CHMP6: variants seen among roughly 807,000 people sequenced by gnomAD.
The protein encoded by CHMP6 is charged multivesicular body protein 6, also known as chromatin-modifying protein 6.
Under a neutral mutation model 32.8 loss-of-function variants are expected in CHMP6, and 10 were observed. The observed-to-expected ratio is 0.30, with a 90% CI of 0.19 to 0.52. The LOEUF (loss-of-function observed/expected upper bound fraction) is 0.52, where lower values mean the gene tolerates loss of function less well. Ranked by LOEUF, CHMP6 falls within the 20% of genes least tolerant of loss-of-function variation. CHMP6 has a pLI of 0.97. For synonymous variants in CHMP6, 123 were observed against 105.8 expected, an observed-to-expected ratio of 1.16 and a Z score of -1.00; for missense variants, 269 against 263.8, an observed-to-expected ratio of 1.02 and a Z score of -0.14.
rs751909886 is a variant in CHMP6, at chr17:80,999,384, C to T, written c.*231C>T. ...CCTGCTCTCAGTCCGGATTAACTCT[C>T]GACCGAGCCCAGCTTCTGCCGGTTG... is the stretch of plus-strand genomic sequence containing the variant. On this transcript the variant is annotated 3_prime_UTR_variant, in exon 8 of 8. Coordinates refer to ENST00000325167, the MANE Select transcript of CHMP6 (RefSeq NM_024591.5). 5.9e-6 allele frequency: 3 copies of T among 512,340 alleles called. No homozygotes were observed. The highest frequency in any genetic ancestry group is 2.2e-5 in the South Asian group (1 of 44,854). 31.7% of individuals were successfully genotyped at this position (512,340 alleles called of 1,614,324 possible).
At chr17:80,994,483 T>C in intron 1 of CHMP6, 98 bp from the exon 2 acceptor site, 1 of 1,073,160 alleles carries the variant, frequency 9.3e-7, no homozygotes, top group Non-Finnish European at 1.3e-6. Context: ...TGAAGGACAC[T>C]CACGGAGGGC....
At position 80,991,900 on chromosome 17, in the gene CHMP6, G is replaced by C. The variant is rs2069594866; in HGVS notation, c.-19G>C. 1 of 1,452,362 alleles carries C rather than the reference G, an allele frequency of 6.9e-7. No individual in the cohort carries two copies. Among genetic ancestry groups the C allele is most frequent in the African/African-American group, 1.5e-5 (1 of 68,044 alleles). 90.0% of individuals were successfully genotyped at this position (1,452,362 alleles called of 1,614,324 possible). ...GGCGATTGGACTTGGTGGGTCCCGGGCCAGGGGCGGGCGCCGCCATGGGTA... is the reference window on the plus strand; with the variant it reads ...GGCGATTGGACTTGGTGGGTCCCGGCCCAGGGGCGGGCGCCGCCATGGGTA... On this transcript the variant is annotated 5_prime_UTR_variant, in exon 1 of 8. Coordinates refer to ENST00000325167, the MANE Select transcript of CHMP6 (RefSeq NM_024591.5).
intron 1 of CHMP6, 135 bp from the exon 2 acceptor site, chr17:80,994,446 T>C (rs2069618831): frequency 1.6e-6 from 1 of 641,070 alleles, no homozygotes; most frequent in South Asian, 2.2e-5. Flanking sequence ...CAGCACCACC[T>C]GTCCCCTGGA....
intron 4 of CHMP6, among the ~76,000 whole-genome samples, chr17:80,996,520 A>G (rs1043994246): frequency 6.6e-6 from 1 of 152,098 alleles, no homozygotes; most frequent in African/African-American, 2.4e-5. Flanking sequence ...TACTTTTCCA[A>G]GTGTTTGGTG....
chr17:80,996,828 C>T (rs1446190705), intron 4 of CHMP6, among the ~76,000 whole-genome samples, 179 bp from the exon 5 acceptor site: 1 of 152,224 alleles, frequency 6.6e-6, no homozygotes, highest in African/African-American at 2.4e-5. Context: ...CCTGTAGTCC[C>T]AGCTACTTGG....
intron 7 of CHMP6, among the ~76,000 whole-genome samples, chr17:80,998,857 C>T (rs937477777): frequency 2.6e-5 from 4 of 152,036 alleles, no homozygotes; most frequent in Non-Finnish European, 5.9e-5. Flanking sequence ...GGGCTCTTCT[C>T]CTCTCTGAGT....
rs756422368 is a variant in CHMP6 at position 80,999,177 on chromosome 17, AC to A, written c.*25del. The A allele has an allele frequency of 6.2e-6, 10 of 1,613,592 alleles. No individual in the cohort carries two copies. Among genetic ancestry groups the A allele is most frequent in the South Asian group, 4.4e-5 (4 of 91,076 alleles). ...AACGTGGCCTCGTCTTGTGGGACTC[AC>A]GGGGATGCCCCAGGGACTGTGGCCC... On this transcript the variant is annotated 3_prime_UTR_variant, in exon 8 of 8. Transcript: ENST00000325167.
At chr17:80,995,650 T>C (rs769955078) in intron 3 of CHMP6, 22 bp from the exon 4 acceptor site, 1 of 1,611,274 alleles carries the variant, frequency 6.2e-7, no homozygotes, top group African/African-American at 1.3e-5. Flanking sequence ...AGCACCTGCG[T>C]CTGCTCTGGT....
Position 80,997,302 on chromosome 17 carries a change from T to G in CHMP6, c.456T>G (p.Asp152Glu). Residue 152 changes from aspartate to glutamate, a missense_variant, in exon 6 of 8, where the codon GAT becomes GAG. Coordinates refer to ENST00000325167, the MANE Select transcript of CHMP6 (RefSeq NM_024591.5). Reference protein sequence around the residue: ...ELLAGSFTQEDEDAILEELSA... With the variant: ...ELLAGSFTQEEEDAILEELSA... ...TGGCAGGAAGCTTCACTCAGGAGGA[T>G]GAAGACGCCATCCTGGAGGAGCTGA... 1 of 1,455,136 alleles carries G rather than the reference T, an allele frequency of 6.9e-7. No individual in the cohort carries two copies. Among genetic ancestry groups the G allele is most frequent in the Non-Finnish European group, 9.2e-7 (1 of 1,084,472 alleles). 90.1% of individuals were successfully genotyped at this position (1,455,136 alleles called of 1,614,324 possible).
intron 6 of CHMP6, among the ~76,000 whole-genome samples, chr17:80,998,062 T>C (rs1478313463): frequency 6.6e-6 from 1 of 152,182 alleles, no homozygotes; most frequent in Non-Finnish European, 1.5e-5. Flanking sequence ...CACCCACCCC[T>C]CGGTCCCTGA....
intron 1 of CHMP6, among the ~76,000 whole-genome samples, chr17:80,992,727 G>A (rs935883804): frequency 1.3e-5 from 2 of 152,232 alleles, no homozygotes; most frequent in Non-Finnish European, 2.9e-5. Flanking sequence ...TTCTGTAGGA[G>A]GAGGAATCGC....
At chr17:80,994,496 C>T in intron 1 of CHMP6, 85 bp from the exon 2 acceptor site, 2 of 1,261,156 alleles carry the variant, frequency 1.6e-6, no homozygotes, top group Admixed American at 2.6e-5. Flanking sequence ...CGGAGGGCCG[C>T]CCGGCCTCCA....
chr17:80,991,895 C>T lies in CHMP6; in HGVS notation c.-24C>T, dbSNP rs759865478. The T allele has an allele frequency of 1.9e-4, 269 of 1,442,548 alleles. 1 individual carries two copies. The highest frequency in any genetic ancestry group is 7.0e-5 in the Admixed American group (3 of 42,662). 89.4% of individuals were successfully genotyped at this position (1,442,548 alleles called of 1,614,324 possible). On this transcript the variant is annotated 5_prime_UTR_variant, in exon 1 of 8. Coordinates refer to ENST00000325167, the MANE Select transcript of CHMP6 (RefSeq NM_024591.5). ...GCGGTGGCGATTGGACTTGGTGGGTCCCGGGCCAGGGGCGGGCGCCGCCAT... is the reference window on the plus strand; with the variant it reads ...GCGGTGGCGATTGGACTTGGTGGGTTCCGGGCCAGGGGCGGGCGCCGCCAT...
At chr17:80,997,856 C>T (rs1379990938) in intron 6 of CHMP6, among the ~76,000 whole-genome samples, 3 of 152,350 alleles carry the variant, frequency 2.0e-5, no homozygotes, top group South Asian at 2.1e-4. Context: ...TGGTGCTGTG[C>T]GGCCCATGGT....
At chr17:80,997,493 A>C in intron 6 of CHMP6, 152 bp downstream of exon 6, 1 of 514,132 alleles carries the variant, frequency 1.9e-6, no homozygotes, top group Non-Finnish European at 3.4e-6. Context: ...ACCTGAGGTG[A>C]CTCTGTTTTC....
Position 80,993,476 on chromosome 17 carries a change from G to T in CHMP6, c.64-1105G>T, listed in dbSNP as rs554691697. 5.9e-5 allele frequency among the ~76,000 whole-genome samples: 9 copies of T among 152,276 alleles called. No homozygotes were observed. The South Asian group carries it at 1.9e-3, about 32-fold the overall frequency. ...CTTGGCACGGCGAGGGGGAGACTCCGTGGGTGGAGGGAACCGGGAATGAGC... is the reference window on the plus strand; with the variant it reads ...CTTGGCACGGCGAGGGGGAGACTCCTTGGGTGGAGGGAACCGGGAATGAGC... On this transcript the variant is annotated intron_variant, in intron 1 of 7. Transcript: ENST00000325167.
At chr17:80,992,436 C>T (rs904190701) in intron 1 of CHMP6, among the ~76,000 whole-genome samples, 3 of 152,236 alleles carry the variant, frequency 2.0e-5, no homozygotes, top group African/African-American at 4.8e-5. Context: ...GTGCCCTGGG[C>T]CGGAGCCCCG....
chr17:80,991,859 G>C lies in CHMP6; in HGVS notation c.-60G>C, dbSNP rs1431936869. ...TAGCGGGAGGACCCGAGCTACGGTG[G>C]CCGCGGGGCGGCGGTGGCGATTGGA... On this transcript the variant is annotated 5_prime_UTR_variant, in exon 1 of 8. Transcript: ENST00000325167. 4 of 1,294,158 alleles carry C rather than the reference G, an allele frequency of 3.1e-6. No homozygotes were observed. In the East Asian group the frequency reaches 1.4e-4, roughly 44 times the overall value. The allele number at this position is 1,294,158 out of a possible 1,614,324, so 80.2% of individuals were successfully genotyped here.
Position 80,993,273 on chromosome 17 carries a change from T to TTC in CHMP6, c.63+1293_63+1294insCT, listed in dbSNP as rs1044022848. The stretch of plus-strand genomic sequence containing the variant: ...ACACTAGCACAAATGATTGCTTTTT[T>TTC]TTTTCTGTTTTTCTAGGATAACAGG... On this transcript the variant is annotated intron_variant, in intron 1 of 7. Transcript: ENST00000325167. Among the ~76,000 whole-genome samples the TTC allele has an allele frequency of 5.4e-5, 7 of 130,460 alleles. No individual in the cohort carries two copies. The Admixed American group carries it at 5.8e-4, about 11-fold the overall frequency. 85.6% of individuals were successfully genotyped at this position (130,460 alleles called of 152,430 possible). A position where few individuals can be genotyped will look rare whatever the true frequency, so the allele number is the denominator to read the frequency against.
Sources: allele counts gnomAD v4.1 joint callset (sites outside exome capture counted in the v4.1 genomes callset), GRCh38; gene constraint gnomAD v4.1.1; transcripts MANE v1.5; gene names NCBI Gene and HGNC (gene_info 2026-07-23, HGNC 2026-07-21).